Variants in MED13L observed in about 807,000 individuals in gnomAD.
MED13L encodes the protein mediator of RNA polymerase II transcription subunit 13-like.
MED13L carries 7 observed loss-of-function variants against 220.9 expected under a neutral mutation model. The ratio of observed to expected loss-of-function variants is 0.03; its 90% CI spans 0.02 to 0.06. The LOEUF is 0.06. MED13L is among the 10% of genes least tolerant of loss of function. The probability of loss-of-function intolerance (pLI) is 1.00; values close to 1 mark genes in which losing one functional copy is unlikely to be tolerated. For missense variants in MED13L, 1,965 were observed against 2,760.5 expected, an observed-to-expected ratio of 0.71 and a Z score of 6.46; for synonymous variants, 1,011 against 1,015.2, an observed-to-expected ratio of 1.00 and a Z score of 0.08.
chr12:116,034,983 C>T (rs1379399399), intron 4 of MED13L, among the ~76,000 whole-genome samples: 3 of 152,010 alleles, frequency 2.0e-5, no homozygotes, highest in South Asian at 2.1e-4. Context: ...CCAGCCTGAA[C>T]GAAAAAGCGA....
chr12:116,044,758 T>G (rs1204367058), intron 4 of MED13L, among the ~76,000 whole-genome samples: 1 of 152,228 alleles, frequency 6.6e-6, no homozygotes, highest in Non-Finnish European at 1.5e-5. Context: ...CTTCTGTTTC[T>G]TTTTTAAGCC....
chr12:115,970,066 T>C (rs1192644672), intron 27 of MED13L, among the ~76,000 whole-genome samples: 1 of 152,224 alleles, frequency 6.6e-6, no homozygotes, highest in African/African-American at 2.4e-5. Flanking sequence ...TGGTAGGTGT[T>C]ATAATTTCTT....
At chr12:116,155,724 A>G (rs1268719447) in intron 2 of MED13L, among the ~76,000 whole-genome samples, 1 of 152,168 alleles carries the variant, frequency 6.6e-6, no homozygotes, top group African/African-American at 2.4e-5. Context: ...AACAAGATTT[A>G]AGGGGAAAAA....
intron 2 of MED13L, among the ~76,000 whole-genome samples, chr12:116,138,935 T>A (rs1236521137): frequency 1.3e-5 from 2 of 152,206 alleles, no homozygotes; most frequent in Non-Finnish European, 2.9e-5. Context: ...ATTTGACTAG[T>A]AACTGCTTAA....
At chr12:115,999,496 ATAATT>A (rs1311598803) in intron 14 of MED13L, among the ~76,000 whole-genome samples, 3 of 152,202 alleles carry the variant, frequency 2.0e-5, no homozygotes, top group East Asian at 1.9e-4. Flanking sequence ...AAACTGTAAT[ATAATT>A]TGAGTTATAT....
At chr12:115,970,489 GTTGT>G (rs1427085005) in intron 27 of MED13L, 101 bp downstream of exon 27, 10 of 1,215,578 alleles carry the variant, frequency 8.2e-6, no homozygotes, top group Non-Finnish European at 1.2e-5. Context: ...TAGTTCCTGG[GTTGT>G]TTATTACAAC....
chr12:116,070,617 T>C (rs537309342), intron 4 of MED13L, among the ~76,000 whole-genome samples: 21 of 152,108 alleles, frequency 1.4e-4, no homozygotes, highest in Non-Finnish European at 2.6e-4. Flanking sequence ...GCACCTAACA[T>C]AGTGATGAAA....
chr12:116,190,883 G>A (rs1881228191), intron 2 of MED13L, among the ~76,000 whole-genome samples: 1 of 152,234 alleles, frequency 6.6e-6, no homozygotes, highest in Middle Eastern at 3.4e-3. Context: ...CCTGAGGTCA[G>A]AAGTTCGAGA....
rs538225244 is a variant in MED13L, at chr12:116,186,841, T to C, written c.310+50627A>G. Reference sequence around the variant, plus strand: ...TTTCCTCTAGTTCTAAAAGTCCATATTTAATGTACCACTGTTGTTCCTCTC... The same window carrying C: ...TTTCCTCTAGTTCTAAAAGTCCATACTTAATGTACCACTGTTGTTCCTCTC... On this transcript the variant is annotated intron_variant, in intron 2 of 30. Coordinates refer to ENST00000281928, the MANE Select transcript of MED13L (RefSeq NM_015335.5). Among the ~76,000 whole-genome samples, 5 of 152,350 alleles carry C rather than the reference T, an allele frequency of 3.3e-5. No individual in the cohort carries two copies. In the East Asian group the frequency reaches 9.6e-4, roughly 29 times the overall value.
chr12:116,226,124 T>C (rs1868965283), intron 2 of MED13L, among the ~76,000 whole-genome samples: 1 of 151,658 alleles, frequency 6.6e-6, no homozygotes, highest in African/African-American at 2.4e-5. Flanking sequence ...CTGCAGGGTA[T>C]TATTCTACCA....
Position 115,984,335 on chromosome 12 carries a change from A to C in MED13L, c.4376T>G (p.Val1459Gly). ...RLGQHKPICK[V>G]LRDGIMRVGK... ...CACGCGCATGATCCCGTCACGTAGC[A>C]CTTTGCAGATGGGCTTGTGCTGCCC... is the stretch of plus-strand genomic sequence containing the variant. Residue 1459 changes from valine (V) to glycine (G), a missense_variant, in exon 20 of 31, where the codon GTG becomes GGG. Val to Gly is a moderately radical substitution (Grantham distance 109). Coordinates refer to ENST00000281928, the MANE Select transcript of MED13L (RefSeq NM_015335.5). 1.9e-6 allele frequency: 3 copies of C among 1,614,108 alleles called. No individual in the cohort carries two copies.
intron 4 of MED13L, among the ~76,000 whole-genome samples, chr12:116,024,175 A>G (rs770334639): frequency 6.6e-6 from 1 of 152,124 alleles, no homozygotes; most frequent in Non-Finnish European, 1.5e-5. Context: ...CCGAGTCCCA[A>G]CTGTGCATCA....
chr12:116,075,647 A>G (rs1870722234), intron 4 of MED13L, among the ~76,000 whole-genome samples: 1 of 152,192 alleles, frequency 6.6e-6, no homozygotes, highest in Non-Finnish European at 1.5e-5. Flanking sequence ...TTCATGTTGT[A>G]GCTTTCGATC....
intron 4 of MED13L, among the ~76,000 whole-genome samples, chr12:116,027,636 G>T (rs752261885): frequency 2.6e-5 from 4 of 152,150 alleles, no homozygotes; most frequent in African/African-American, 7.2e-5. Context: ...CCCAACCAGA[G>T]GAGTGCTCTA....
chr12:115,986,522 G>T (rs1220023610), intron 18 of MED13L, 33 bp from the exon 19 acceptor site: 12 of 1,601,006 alleles, frequency 7.5e-6, no homozygotes, highest in Non-Finnish European at 8.5e-6. Context: ...AAAGGTGCTA[G>T]AGAGTTTTTC....
At chr12:116,216,414 C>T (rs1204602891) in intron 2 of MED13L, among the ~76,000 whole-genome samples, 8 of 152,146 alleles carry the variant, frequency 5.3e-5, no homozygotes, top group Non-Finnish European at 2.9e-5. Context: ...TTATCTGTAG[C>T]TCTATTACTG....
chr12:116,257,438 A>G (rs1431394026), intron 1 of MED13L, among the ~76,000 whole-genome samples: 1 of 152,238 alleles, frequency 6.6e-6, no homozygotes, highest in East Asian at 1.9e-4. Context: ...GTTTCCTTAA[A>G]GGACGGTGTG....
chr12:116,225,021 G>A (rs1200510486), intron 2 of MED13L, among the ~76,000 whole-genome samples: 1 of 152,134 alleles, frequency 6.6e-6, no homozygotes, highest in Admixed American at 6.5e-5. Context: ...AAAGCTTGAA[G>A]GGTGCTTTTA....
intron 2 of MED13L, among the ~76,000 whole-genome samples, chr12:116,208,437 T>C (rs1882493007): frequency 6.6e-6 from 1 of 152,224 alleles, no homozygotes; most frequent in African/African-American, 2.4e-5. Flanking sequence ...GAAACACAGT[T>C]TGTTTTAATC....
Sources: allele counts gnomAD v4.1 joint callset (sites outside exome capture counted in the v4.1 genomes callset), GRCh38; gene constraint gnomAD v4.1.1; transcripts MANE v1.5; gene names NCBI Gene and HGNC (gene_info 2026-07-23, HGNC 2026-07-21).